The following CAMKMT variants were observed in gnomAD, a reference collection of about 807,000 sequenced individuals.
The protein encoded by CAMKMT is CaM KMT.
A neutral mutation model predicts 48.0 loss-of-function variants in CAMKMT; 53 were observed. The ratio of observed to expected loss-of-function variants is 1.10; its 90% CI spans 0.89 to 1.39. CAMKMT has a LOEUF of 1.39. Ranked by LOEUF, CAMKMT falls within the 40% of genes most tolerant of loss-of-function variation. CAMKMT has a pLI of 0.00. For missense variants in CAMKMT, 428 were observed against 402.7 expected (o/e 1.06, Z -0.54); for synonymous variants, 165 against 152.3 (o/e 1.08, Z -0.61).
chr2:44,644,868 GA>G (rs1241843233), intron 3 of CAMKMT, among the ~76,000 whole-genome samples: 1 of 152,060 alleles, frequency 6.6e-6, no homozygotes, highest in Admixed American at 6.5e-5. Context: ...GGTTTCTTAT[GA>G]TTTTTTTAAT....
intron 3 of CAMKMT, among the ~76,000 whole-genome samples, chr2:44,668,376 T>A (rs1258430889): frequency 6.6e-6 from 1 of 152,216 alleles, no homozygotes; most frequent in East Asian, 1.9e-4. Context: ...CCAGCTTAAG[T>A]ATTTTGCTCC....
At position 44,657,921 on chromosome 2, in the gene CAMKMT, C is replaced by T. The variant is rs1230228582; in HGVS notation, c.377-46362C>T. Among the ~76,000 whole-genome samples, 1 of 152,132 alleles carries T rather than the reference C, an allele frequency of 6.6e-6. No homozygotes were observed. Among genetic ancestry groups the T allele is most frequent in the African/African-American group, 2.4e-5 (1 of 41,418 alleles). ...AAAATTCATATAAATGTCTCATTTTCCTCCATACTCTGTTTTTATATAAAA... is the reference window on the plus strand; with the variant it reads ...AAAATTCATATAAATGTCTCATTTTTCTCCATACTCTGTTTTTATATAAAA... On this transcript the variant is annotated intron_variant, in intron 3 of 10. Coordinates refer to ENST00000378494, the MANE Select transcript of CAMKMT (RefSeq NM_024766.5). The surrounding 1 kb of genome is among the most constrained non-coding windows in gnomAD (Gnocchi z 4.3).
At chr2:44,434,166 T>C (rs1684811553) in intron 3 of CAMKMT, among the ~76,000 whole-genome samples, 1 of 152,092 alleles carries the variant, frequency 6.6e-6, no homozygotes, top group Non-Finnish European at 1.5e-5. Context: ...CTTCATTATG[T>C]GTATGCTGAA....
intron 3 of CAMKMT, among the ~76,000 whole-genome samples, chr2:44,512,334 G>A (rs766138910): frequency 1.3e-5 from 2 of 152,194 alleles, no homozygotes; most frequent in Admixed American, 6.5e-5. Flanking sequence ...TAGGTTTGCT[G>A]TAGGGATGAA....
chr2:44,393,465 T>C (rs1005623121), intron 3 of CAMKMT: 16 of 152,226 alleles, frequency 1.1e-4, no homozygotes, highest in Admixed American at 7.9e-4. Context: ...TCTTTTTATA[T>C]ATTTATATTT....
At chr2:44,401,280 G>A (rs1682352487) in intron 3 of CAMKMT, 1 of 152,094 alleles carries the variant, frequency 6.6e-6, no homozygotes, top group African/African-American at 2.4e-5. Flanking sequence ...TACAAAGACG[G>A]GGCACAGTGG....
intron 3 of CAMKMT, among the ~76,000 whole-genome samples, chr2:44,702,117 T>A (rs1677293120): frequency 6.6e-6 from 1 of 152,216 alleles, no homozygotes; most frequent in Admixed American, 6.5e-5. Context: ...AGTTAGATAC[T>A]CTTTGTCTAT....
intron 3 of CAMKMT, among the ~76,000 whole-genome samples, chr2:44,493,406 C>T (rs758601239): frequency 9.8e-5 from 15 of 152,290 alleles, no homozygotes; most frequent in South Asian, 8.3e-4. Flanking sequence ...ACTCCTGCAG[C>T]CCGTTAGAAA....
chr2:44,450,551 A>G (rs943992028), intron 3 of CAMKMT, among the ~76,000 whole-genome samples: 2 of 152,164 alleles, frequency 1.3e-5, no homozygotes, highest in African/African-American at 4.8e-5. Flanking sequence ...AGAATCTTGT[A>G]TACACTAATA....
At chr2:44,704,242 G>T (rs1677418937) in intron 3 of CAMKMT, 41 bp from the exon 4 acceptor site, 1 of 1,537,644 alleles carries the variant, frequency 6.5e-7, no homozygotes, top group South Asian at 1.2e-5. Context: ...TTAAAAGAAT[G>T]ACTTCTATAA....
At chr2:44,593,090 T>A (rs1358326423) in intron 3 of CAMKMT, among the ~76,000 whole-genome samples, 1 of 152,230 alleles carries the variant, frequency 6.6e-6, no homozygotes, top group East Asian at 1.9e-4. Context: ...GGAAACAGCT[T>A]GATCCTTTCA....
chr2:44,686,091 T>A (rs1422948862), intron 3 of CAMKMT, among the ~76,000 whole-genome samples: 1 of 152,116 alleles, frequency 6.6e-6, no homozygotes, highest in Non-Finnish European at 1.5e-5. Context: ...ATAGTGACTC[T>A]TCTATTAAAA....
At chr2:44,470,024 T>A (rs1668332271) in intron 3 of CAMKMT, among the ~76,000 whole-genome samples, 1 of 152,126 alleles carries the variant, frequency 6.6e-6, no homozygotes, top group African/African-American at 2.4e-5. Flanking sequence ...TATATAGATA[T>A]TTTCTGTATC....
chr2:44,638,851 C>T (rs1208304545), intron 3 of CAMKMT, among the ~76,000 whole-genome samples: 1 of 152,150 alleles, frequency 6.6e-6, no homozygotes. Context: ...TGACAGAGGC[C>T]TTGGACTGCC....
intron 3 of CAMKMT, among the ~76,000 whole-genome samples, chr2:44,523,245 C>T (rs1671214012): frequency 6.6e-6 from 1 of 151,326 alleles, no homozygotes; most frequent in East Asian, 1.9e-4. Context: ...CATGTCTCTT[C>T]TCTGCTACAT....
At chr2:44,603,545 A>T (rs1056616918) in intron 3 of CAMKMT, among the ~76,000 whole-genome samples, 2 of 152,214 alleles carry the variant, frequency 1.3e-5, no homozygotes, top group Non-Finnish European at 2.9e-5. Flanking sequence ...TCTGTGGGTC[A>T]GCAACATAGG....
rs150206654 is a variant in CAMKMT, at chr2:44,365,405, G to A, written c.138+3260G>A. ...TACATGGTAAGTTGCCAAGATTTGA[G>A]TCAAGCGAGTACTTAAATTAGATGA... On this transcript the variant is annotated intron_variant, in intron 1 of 10. Coordinates refer to ENST00000378494, the MANE Select transcript of CAMKMT (RefSeq NM_024766.5). 1.3e-4 allele frequency among the ~76,000 whole-genome samples: 20 copies of A among 152,300 alleles called. No individual in the cohort carries two copies. The East Asian group carries it at 3.9e-3, about 29-fold the overall frequency.
At chr2:44,446,943 G>A (rs1260110742) in intron 3 of CAMKMT, among the ~76,000 whole-genome samples, 2 of 152,038 alleles carry the variant, frequency 1.3e-5, no homozygotes, top group Non-Finnish European at 1.5e-5. Context: ...CCTTTTCCAC[G>A]TTAGCATTTA....
intron 2 of CAMKMT, among the ~76,000 whole-genome samples, chr2:44,389,030 T>A (rs1681054788): frequency 6.6e-6 from 1 of 152,108 alleles, no homozygotes; most frequent in African/African-American, 2.4e-5. Flanking sequence ...ACTGTAGTAA[T>A]ACGGAGAGGA....
Sources: gnomAD v4.1 joint callset for allele counts (sites outside exome capture counted in the v4.1 genomes callset) on GRCh38, gnomAD v4.1.1 for gene constraint, Gnocchi (gnomAD v3.1) non-coding constraint, MANE v1.5 for transcripts, NCBI Gene and HGNC (gene_info 2026-07-23, HGNC 2026-07-21) for gene names.